The following CRACR2A variants were observed in gnomAD, a reference collection of about 807,000 sequenced individuals.
The protein encoded by CRACR2A is EF-hand calcium-binding domain-containing protein 4B.
CRACR2A carries 79 observed loss-of-function variants against 90.5 expected under a neutral mutation model. The ratio of observed to expected loss-of-function variants is 0.87; its 90% confidence interval spans 0.73 to 1.05. CRACR2A has a LOEUF of 1.05. Among genes scored for constraint, CRACR2A ranks in the 50% least tolerant of loss-of-function variants. The pLI is 0.00. For missense variants in CRACR2A, 823 were observed against 897.2 expected (o/e 0.92, Z 1.06); for synonymous variants, 338 against 356.7 (o/e 0.95, Z 0.59).
intron 2 of CRACR2A, among the ~76,000 whole-genome samples, chr12:3,719,856 G>A (rs930948335): frequency 2.6e-5 from 4 of 152,004 alleles, no homozygotes; most frequent in Non-Finnish European, 5.9e-5. Flanking sequence ...AGTGGCTCAC[G>A]CCTATAATCC....
intron 2 of CRACR2A, among the ~76,000 whole-genome samples, chr12:3,724,454 G>A (rs555715389): frequency 4.5e-4 from 69 of 152,326 alleles, no homozygotes; most frequent in African/African-American, 1.4e-3. Context: ...CCCGCGAGAC[G>A]CCTCCCCAAG....
chr12:3,715,152 A>G (rs1565499243), intron 2 of CRACR2A, among the ~76,000 whole-genome samples: 1 of 152,248 alleles, frequency 6.6e-6, no homozygotes, highest in South Asian at 2.1e-4. Flanking sequence ...TGCATGGGAT[A>G]TGGCGAAGAA....
At chr12:3,675,361 G>A (rs1945318377) in intron 6 of CRACR2A, among the ~76,000 whole-genome samples, 1 of 152,002 alleles carries the variant, frequency 6.6e-6, no homozygotes. Flanking sequence ...CCCTGCTGTG[G>A]TGTGAATGTT....
chr12:3,692,854 G>C (rs746602146), intron 4 of CRACR2A, among the ~76,000 whole-genome samples: 1 of 152,124 alleles, frequency 6.6e-6, no homozygotes, highest in South Asian at 2.1e-4. Context: ...GCAAGTCTAC[G>C]TGCACTCTCT....
At chr12:3,647,477 C>T (rs931279337) in intron 11 of CRACR2A, among the ~76,000 whole-genome samples, 3 of 152,118 alleles carry the variant, frequency 2.0e-5, no homozygotes, top group African/African-American at 7.2e-5. Flanking sequence ...TTTCTAAATG[C>T]AATAGAAAAA....
intron 12 of CRACR2A, among the ~76,000 whole-genome samples, chr12:3,643,246 A>C (rs1944605903): frequency 6.6e-6 from 1 of 152,284 alleles, no homozygotes; most frequent in South Asian, 2.1e-4. Context: ...CTGTGGCGTA[A>C]TGCAGTCCCT....
At chr12:3,631,546 G>C (rs770140566) in intron 15 of CRACR2A, among the ~76,000 whole-genome samples, 13 of 152,206 alleles carry the variant, frequency 8.5e-5, no homozygotes, top group Non-Finnish European at 1.5e-4. Flanking sequence ...ACCACGCTCA[G>C]CACACTCCCA....
intron 3 of CRACR2A, among the ~76,000 whole-genome samples, chr12:3,705,522 T>C (rs1012003115): frequency 2.0e-5 from 3 of 152,062 alleles, no homozygotes; most frequent in Non-Finnish European, 2.9e-5. Context: ...CAGCACAGAG[T>C]TAGGAAACTG....
chr12:3,698,772 G>A (rs1945785275), intron 3 of CRACR2A, among the ~76,000 whole-genome samples: 1 of 152,188 alleles, frequency 6.6e-6, no homozygotes, highest in Non-Finnish European at 1.5e-5. Context: ...TGTCTCCATG[G>A]CTTTTATGTG....
rs564875944 is a variant in CRACR2A, at chr12:3,726,310, T to C, written c.-118+6632A>G. Reference sequence around the variant, plus strand: ...TGTATCATTCCAATTTTAGTATACGTGCTGCCAAAGTGAGCACAGAAATGT... The same window carrying C: ...TGTATCATTCCAATTTTAGTATACGCGCTGCCAAAGTGAGCACAGAAATGT... On this transcript the variant is annotated intron_variant, in intron 2 of 19. Coordinates refer to ENST00000440314, the MANE Select transcript of CRACR2A (RefSeq NM_001144958.2). The C allele has an allele frequency of 8.8e-4, 134 of 152,294 alleles. 1 individual carries two copies. The highest frequency in any genetic ancestry group is 3.2e-3 in the African/African-American group (133 of 41,558). 9.4% of individuals were successfully genotyped at this position (152,294 alleles called of 1,614,324 possible).
At chr12:3,670,681 G>A (rs149899580) in intron 7 of CRACR2A, among the ~76,000 whole-genome samples, 2 of 152,304 alleles carry the variant, frequency 1.3e-5, no homozygotes, top group African/African-American at 4.8e-5. Flanking sequence ...TTGCCAATAA[G>A]GAAACTGATG....
At chr12:3,630,301 T>C (rs781685413) in intron 15 of CRACR2A, among the ~76,000 whole-genome samples, 6 of 152,174 alleles carry the variant, frequency 3.9e-5, no homozygotes, top group Non-Finnish European at 5.9e-5. Context: ...GGGTTAGCGC[T>C]GGGCTGACGG....
chr12:3,630,973 C>T (rs1056664335), intron 15 of CRACR2A, among the ~76,000 whole-genome samples: 31 of 152,336 alleles, frequency 2.0e-4, no homozygotes, highest in African/African-American at 6.7e-4. Flanking sequence ...GTGCTGTAGC[C>T]GCTGCCCTTG....
intron 7 of CRACR2A, among the ~76,000 whole-genome samples, chr12:3,660,858 ACACACACACACACACACACACACACACAC>A (rs1470294586): frequency 2.1e-5 from 3 of 145,402 alleles, no homozygotes; most frequent in Non-Finnish European, 3.0e-5. Context: ...ACACACACAC[ACACACACACACACACACACACACACACAC>A]AATTTTGGCC....
chr12:3,719,523 C>A (rs1345518656), intron 2 of CRACR2A, among the ~76,000 whole-genome samples: 1 of 152,184 alleles, frequency 6.6e-6, no homozygotes, highest in African/African-American at 2.4e-5. Flanking sequence ...CTTTGCATCA[C>A]CCAAATCAAT....
intron 1 of CRACR2A, among the ~76,000 whole-genome samples, chr12:3,733,975 T>TTTTTTTTTA (rs1170051949): frequency 1.5e-5 from 2 of 133,278 alleles, no homozygotes; most frequent in Non-Finnish European, 3.2e-5. Flanking sequence ...TTTGCCTTAT[T>TTTTTTTTTA]TTTTTTTTTT....
intron 1 of CRACR2A, among the ~76,000 whole-genome samples, chr12:3,751,809 G>A (rs1210855047): frequency 9.1e-6 from 1 of 109,350 alleles, no homozygotes; most frequent in Non-Finnish European, 2.0e-5. Flanking sequence ...TTATAGAACC[G>A]AGAGGTGACA....
At chr12:3,708,210 A>G (rs1296306278) in intron 3 of CRACR2A, among the ~76,000 whole-genome samples, 2 of 152,198 alleles carry the variant, frequency 1.3e-5, no homozygotes, top group Non-Finnish European at 2.9e-5. Flanking sequence ...ACCCCTCTAA[A>G]GAGCCCTTAT....
intron 3 of CRACR2A, among the ~76,000 whole-genome samples, chr12:3,697,658 C>T (rs1945765240): frequency 6.6e-6 from 1 of 152,218 alleles, no homozygotes. Flanking sequence ...GCACTTGCTC[C>T]TACATCATTC....
Sources: gnomAD v4.1 joint callset for allele counts (sites outside exome capture counted in the v4.1 genomes callset) on GRCh38, gnomAD v4.1.1 for gene constraint, MANE v1.5 for transcripts, NCBI Gene and HGNC (gene_info 2026-07-23, HGNC 2026-07-21) for gene names.